ITM2B: variants seen among roughly 807,000 people sequenced by gnomAD.
The protein encoded by ITM2B is integral membrane protein 2B, also known as ABri/ADan amyloid peptide.
ITM2B carries 11 observed loss-of-function variants against 27.8 expected under a neutral mutation model. That is an observed-to-expected ratio of 0.40 (90% CI 0.25 to 0.66). The LOEUF is 0.66. Ranked by LOEUF, ITM2B falls within the 30% of genes least tolerant of loss-of-function variation. The probability of loss-of-function intolerance (pLI) is 0.43; values close to 1 mark genes in which losing one functional copy is unlikely to be tolerated. For synonymous variants in ITM2B, 114 were observed against 114.3 expected, an observed-to-expected ratio of 1.00 and a Z score of 0.02; for missense variants, 296 against 328.9, an observed-to-expected ratio of 0.90 and a Z score of 0.77.
chr13:48,262,101 ATGT>A lies in ITM2B; in HGVS notation c.*882_*884del, dbSNP rs1951826439. Reference sequence around the variant, plus strand: ...AACATTTAAGCCTCAACCTTGAATGATGTTGTTTAATATAAAATGCTTTTATTT... The same window carrying A: ...AACATTTAAGCCTCAACCTTGAATGATGTTTAATATAAAATGCTTTTATTT... On this transcript the variant is annotated 3_prime_UTR_variant, in exon 6 of 6. Transcript: ENST00000647800. 1 of 152,122 alleles carries A rather than the reference ATGT, an allele frequency of 6.6e-6. No individual in the cohort carries two copies. The highest frequency in any genetic ancestry group is 1.5e-5 in the Non-Finnish European group (1 of 68,002). 9.4% of individuals were successfully genotyped at this position (152,122 alleles called of 1,614,324 possible). A position where few individuals can be genotyped will look rare whatever the true frequency, so the allele number is the denominator to read the frequency against.
intron 1 of ITM2B, among the ~76,000 whole-genome samples, chr13:48,235,212 A>G (rs1951660760): frequency 6.6e-6 from 1 of 152,202 alleles, no homozygotes; most frequent in Non-Finnish European, 1.5e-5. Flanking sequence ...ACTTCTGACA[A>G]TTTTTGTCAT....
At chr13:48,243,046 ATAAT>A (rs1230569681) in intron 1 of ITM2B, among the ~76,000 whole-genome samples, 4 of 152,210 alleles carry the variant, frequency 2.6e-5, no homozygotes, top group East Asian at 1.9e-4. Flanking sequence ...TGACTTAATG[ATAAT>A]TAATAATGGA....
At position 48,266,774 on chromosome 13, in the gene ITM2B, G is replaced by A. The variant is rs1473404930; in HGVS notation, c.*5550G>A. The A allele has an allele frequency of 6.6e-6, 1 of 152,020 alleles. No individual in the cohort carries two copies. The highest frequency in any genetic ancestry group is 2.4e-5 in the African/African-American group (1 of 41,382). 9.4% of individuals were successfully genotyped at this position (152,020 alleles called of 1,614,324 possible). ...GATGGGCTTGTTGTTCAAAGTTAGA[G>A]CCTCATTTTAAGTAAAATGTTCTGT... On this transcript the variant is annotated 3_prime_UTR_variant, in exon 6 of 6. Transcript: ENST00000647800.
intron 1 of ITM2B, among the ~76,000 whole-genome samples, chr13:48,248,790 A>T (rs1474844662): frequency 6.6e-6 from 1 of 152,260 alleles, no homozygotes; most frequent in African/African-American, 2.4e-5. Flanking sequence ...GTCCTGGGCC[A>T]CACACGGCCA....
At position 48,233,243 on chromosome 13, in the gene ITM2B, C is replaced by T. The variant is rs1314033865; in HGVS notation, c.-118C>T. On this transcript the variant is annotated 5_prime_UTR_variant, in exon 1 of 6. Transcript: ENST00000647800. ...TGCCGCCGCGGAGCTTCCCGAACCT[C>T]TTCAGCCGCCCGGAGCCGCTCCCGG... The T allele has an allele frequency of 1.7e-6, 1 of 596,804 alleles. No individual in the cohort carries two copies. Among genetic ancestry groups the T allele is most frequent in the East Asian group, 3.5e-5 (1 of 28,976 alleles). 37.0% of individuals were successfully genotyped at this position (596,804 alleles called of 1,614,324 possible).
intron 2 of ITM2B, 80 bp downstream of exon 2, chr13:48,254,016 A>G (rs1401206921): frequency 3.6e-6 from 5 of 1,375,194 alleles, no homozygotes; most frequent in Middle Eastern, 2.1e-4. Flanking sequence ...ATTGTTTACA[A>G]CTTGCGCTAA....
At chr13:48,240,084 T>C (rs560989612) in intron 1 of ITM2B, among the ~76,000 whole-genome samples, 1 of 152,338 alleles carries the variant, frequency 6.6e-6, no homozygotes, top group East Asian at 1.9e-4. Context: ...TTGGGTAAGT[T>C]ACTTCAGTTC....
At chr13:48,252,597 A>G (rs1257649486) in intron 1 of ITM2B, among the ~76,000 whole-genome samples, 1 of 152,212 alleles carries the variant, frequency 6.6e-6, no homozygotes, top group East Asian at 1.9e-4. Context: ...GTCTTCCACA[A>G]AACTGGTCCC....
intron 2 of ITM2B, among the ~76,000 whole-genome samples, chr13:48,255,945 A>G (rs1951784735): frequency 6.6e-6 from 1 of 152,074 alleles, no homozygotes; most frequent in African/African-American, 2.4e-5. Context: ...ACCTACCAGG[A>G]AAAGTAAAGG....
Position 48,262,871 on chromosome 13 carries a change from A to C in ITM2B, c.*1647A>C, listed in dbSNP as rs1486368583. The C allele has an allele frequency of 2.0e-5, 3 of 152,180 alleles. No individual in the cohort carries two copies. The highest frequency in any genetic ancestry group is 1.9e-4 in the East Asian group (1 of 5,194). 9.4% of individuals were successfully genotyped at this position (152,180 alleles called of 1,614,324 possible). ...GAAGTGCATGGGATTAGGTCATGGA[A>C]GAAGACCATGTATGTCATCTTGAGG... On this transcript the variant is annotated 3_prime_UTR_variant, in exon 6 of 6. Transcript: ENST00000647800.
At chr13:48,240,440 C>G (rs978530928) in intron 1 of ITM2B, among the ~76,000 whole-genome samples, 9 of 152,154 alleles carry the variant, frequency 5.9e-5, no homozygotes, top group Non-Finnish European at 7.3e-5. Flanking sequence ...CTCCTGACCT[C>G]TTGATCAACT....
chr13:48,233,682 C>T (rs1466092842), intron 1 of ITM2B, among the ~76,000 whole-genome samples: 1 of 152,048 alleles, frequency 6.6e-6, no homozygotes, highest in Non-Finnish European at 1.5e-5. Context: ...GTGCCTGACG[C>T]GGGGTCGGGG....
rs1463737372 is a variant in ITM2B, at chr13:48,265,397, C to G, written c.*4173C>G. The G allele has an allele frequency of 6.6e-6, 1 of 152,248 alleles. No individual in the cohort carries two copies. The highest frequency in any genetic ancestry group is 1.5e-5 in the Non-Finnish European group (1 of 68,122). The allele number at this position is 152,248 out of a possible 1,614,324, so 9.4% of individuals were successfully genotyped here. ...ATTTAAGAAACCCAAGCCAGAAACC[C>G]CACAGTCTTCACAGTCACTGTGTCC... On this transcript the variant is annotated 3_prime_UTR_variant, in exon 6 of 6. Coordinates refer to ENST00000647800, the MANE Select transcript of ITM2B (RefSeq NM_021999.5).
At chr13:48,233,613 C>T in intron 1 of ITM2B, 136 bp downstream of exon 1, 1 of 505,790 alleles carries the variant, frequency 2.0e-6, no homozygotes, top group Non-Finnish European at 3.4e-6. Context: ...GAGAGCCCGG[C>T]GCTCCCGTTT....
Position 48,268,404 on chromosome 13 carries a change from G to A in ITM2B, c.*7180G>A, listed in dbSNP as rs1201211652. 1.3e-5 allele frequency: 2 copies of A among 151,762 alleles called. No homozygotes were observed. The highest frequency in any genetic ancestry group is 2.9e-5 in the Non-Finnish European group (2 of 67,970). 9.4% of individuals were successfully genotyped at this position (151,762 alleles called of 1,614,324 possible). Reference sequence around the variant, plus strand: ...TGCAATTTCTGTCTCCCAGGCTCAAGCCATCCTCTAACCTCAGCCTCCCGA... The same window carrying A: ...TGCAATTTCTGTCTCCCAGGCTCAAACCATCCTCTAACCTCAGCCTCCCGA... On this transcript the variant is annotated 3_prime_UTR_variant, in exon 6 of 6. Coordinates refer to ENST00000647800, the MANE Select transcript of ITM2B (RefSeq NM_021999.5).
At chr13:48,259,057 T>A in intron 5 of ITM2B, 110 bp downstream of exon 5, 1 of 708,758 alleles carries the variant, frequency 1.4e-6, no homozygotes, top group Non-Finnish European at 2.4e-6. Context: ...AGTGAGGTAA[T>A]ATTGTGTCGT....
intron 5 of ITM2B, 143 bp downstream of exon 5, chr13:48,259,090 A>C: frequency 1.6e-6 from 1 of 633,676 alleles, no homozygotes; most frequent in Non-Finnish European, 2.7e-6. Context: ...CCAGGTTTCT[A>C]TAGAATTATC....
Position 48,233,234 on chromosome 13 carries a change from C to A in ITM2B, c.-127C>A. 1 of 556,322 alleles carries A rather than the reference C, an allele frequency of 1.8e-6. No homozygotes were observed. 34.5% of individuals were successfully genotyped at this position (556,322 alleles called of 1,614,324 possible). ...AGCCGCCTCTGCCGCCGCGGAGCTT[C>A]CCGAACCTCTTCAGCCGCCCGGAGC... On this transcript the variant is annotated 5_prime_UTR_variant, in exon 1 of 6. Transcript: ENST00000647800.
At chr13:48,256,897 A>G (rs1001432134) in intron 3 of ITM2B, among the ~76,000 whole-genome samples, 2 of 152,158 alleles carry the variant, frequency 1.3e-5, no homozygotes, top group Middle Eastern at 3.2e-3. Context: ...TCTCTCAAGA[A>G]TGAGTTGTCC....
Sources: allele counts gnomAD v4.1 joint callset (sites outside exome capture counted in the v4.1 genomes callset), GRCh38; gene constraint gnomAD v4.1.1; transcripts MANE v1.5; gene names NCBI Gene and HGNC (gene_info 2026-07-23, HGNC 2026-07-21).